TAFA2: variants seen among roughly 807,000 people sequenced by gnomAD.
TAFA2 encodes the protein chemokine-like protein TAFA-2.
TAFA2 carries 7 observed loss-of-function variants against 18.8 expected under a neutral mutation model. The ratio of observed to expected loss-of-function variants is 0.37; its 90% CI spans 0.21 to 0.70. The LOEUF is 0.70. Among genes scored for constraint, TAFA2 ranks in the 30% least tolerant of loss-of-function variants. The probability of loss-of-function intolerance (pLI) is 0.53; values close to 1 mark genes in which losing one functional copy is unlikely to be tolerated. For synonymous variants in TAFA2, 60 were observed against 54.2 expected (o/e 1.11, Z -0.47); for missense variants, 122 against 158.1 (o/e 0.77, Z 1.23).
intron 1 of TAFA2, among the ~76,000 whole-genome samples, chr12:61,987,942 T>A (rs1042761221): frequency 1.3e-5 from 2 of 152,206 alleles, no homozygotes; most frequent in Non-Finnish European, 2.9e-5. Context: ...TTAAATCACA[T>A]AAAATAAATT....
intron 1 of TAFA2, among the ~76,000 whole-genome samples, chr12:62,147,661 C>G (rs183206498): frequency 7.3e-6 from 1 of 137,630 alleles, no homozygotes; most frequent in East Asian, 2.2e-4. Flanking sequence ...ACCCGGGAGG[C>G]GGAGCTTGCA....
At chr12:62,225,746 G>T (rs1344125836) in intron 1 of TAFA2, among the ~76,000 whole-genome samples, 1 of 152,112 alleles carries the variant, frequency 6.6e-6, no homozygotes, top group African/African-American at 2.4e-5. Flanking sequence ...CACAAGAAAA[G>T]AAATATGTAT....
chr12:62,071,166 G>A (rs780707672), intron 1 of TAFA2, among the ~76,000 whole-genome samples: 3 of 152,148 alleles, frequency 2.0e-5, no homozygotes, highest in African/African-American at 4.8e-5. Flanking sequence ...GAGGGTATAA[G>A]TGCTACAGAA....
At chr12:62,039,380 A>G (rs1247496416) in intron 1 of TAFA2, among the ~76,000 whole-genome samples, 1 of 152,146 alleles carries the variant, frequency 6.6e-6, no homozygotes, top group African/African-American at 2.4e-5. Context: ...AATCATTATA[A>G]TTTATGTTGT....
At chr12:61,945,997 A>G (rs1029546997) in intron 1 of TAFA2, among the ~76,000 whole-genome samples, 2 of 114,808 alleles carry the variant, frequency 1.7e-5, no homozygotes, top group East Asian at 5.3e-4. Context: ...CCGCATCGCC[A>G]AGTCAATCCT....
chr12:61,857,169 G>A (rs1424995234), intron 2 of TAFA2, among the ~76,000 whole-genome samples: 1 of 148,694 alleles, frequency 6.7e-6, no homozygotes, highest in Non-Finnish European at 1.5e-5. Flanking sequence ...ATATACAAAT[G>A]TAACCAAGCT....
chr12:61,886,789 T>TG (rs551129057), intron 1 of TAFA2, among the ~76,000 whole-genome samples: 1 of 152,178 alleles, frequency 6.6e-6, no homozygotes, highest in African/African-American at 2.4e-5. Flanking sequence ...GTTCATGAAT[T>TG]GGGGGGCTAT....
intron 2 of TAFA2, among the ~76,000 whole-genome samples, chr12:61,845,693 A>G (rs925875699): frequency 6.6e-6 from 1 of 152,158 alleles, no homozygotes; most frequent in Admixed American, 6.6e-5. Flanking sequence ...CAAAGAGACT[A>G]TCTTAGCATT....
At chr12:62,066,382 G>A (rs1882489310) in intron 1 of TAFA2, among the ~76,000 whole-genome samples, 1 of 151,546 alleles carries the variant, frequency 6.6e-6, no homozygotes, top group South Asian at 2.1e-4. Flanking sequence ...CAAACGCTAG[G>A]TCTTATTCAT....
intron 2 of TAFA2, among the ~76,000 whole-genome samples, chr12:61,840,473 G>A (rs1458670405): frequency 6.6e-6 from 1 of 151,584 alleles, no homozygotes; most frequent in Non-Finnish European, 1.5e-5. Context: ...CACCTCCATT[G>A]TTTCTTGACA....
intron 2 of TAFA2, among the ~76,000 whole-genome samples, chr12:61,764,044 C>A (rs1031920690): frequency 6.6e-6 from 1 of 151,976 alleles, no homozygotes. Flanking sequence ...GAAGTATTCT[C>A]CACCTTCATT....
chr12:61,981,127 A>C (rs1416877236), intron 1 of TAFA2, among the ~76,000 whole-genome samples: 2 of 152,206 alleles, frequency 1.3e-5, no homozygotes, highest in African/African-American at 4.8e-5. Context: ...TGAATGGAAC[A>C]GAACAGAGGC....
intron 1 of TAFA2, among the ~76,000 whole-genome samples, chr12:62,237,435 T>C (rs1273088218): frequency 6.6e-6 from 1 of 152,250 alleles, no homozygotes; most frequent in Non-Finnish European, 1.5e-5. Flanking sequence ...AATTTATATA[T>C]TGTTTTGCTG....
At chr12:62,035,733 CTTTTTTT>C (rs34859628) in intron 1 of TAFA2, among the ~76,000 whole-genome samples, 5 of 60,228 alleles carry the variant, frequency 8.3e-5, no homozygotes, top group East Asian at 4.3e-4. Flanking sequence ...ATGATTCTTT[CTTTTTTT>C]TTTTTTTTTT....
intron 3 of TAFA2, among the ~76,000 whole-genome samples, chr12:61,754,597 G>A (rs539655801): frequency 6.6e-6 from 1 of 150,864 alleles, no homozygotes; most frequent in African/African-American, 2.4e-5. Context: ...CATCCACCGA[G>A]AAATCAACAT....
At chr12:61,869,057 T>C (rs1275731030) in intron 1 of TAFA2, among the ~76,000 whole-genome samples, 1 of 152,166 alleles carries the variant, frequency 6.6e-6, no homozygotes, top group African/African-American at 2.4e-5. Flanking sequence ...CATTTGTATA[T>C]GTTTGATCCT....
Position 61,937,303 on chromosome 12 carries a change from AC to A in TAFA2, c.-1-69878del, listed in dbSNP as rs543022942. Among the ~76,000 whole-genome samples, 497 of 152,280 alleles carry A rather than the reference AC, an allele frequency of 3.3e-3. 2 individuals carry two copies. Among genetic ancestry groups the A allele is most frequent in the Admixed American group, 7.3e-3 (111 of 15,294 alleles). ...TCATTTTTCACAAAATTAGAAAAAA[AC>A]ATTAAAATTCATATGGAACCAAAAA... On this transcript the variant is annotated intron_variant, in intron 1 of 4. Coordinates refer to ENST00000416284, the MANE Select transcript of TAFA2 (RefSeq NM_178539.5).
At chr12:61,961,710 A>G (rs1878892349) in intron 1 of TAFA2, among the ~76,000 whole-genome samples, 1 of 151,966 alleles carries the variant, frequency 6.6e-6, no homozygotes, top group Admixed American at 6.6e-5. Flanking sequence ...CTCCTTCTCT[A>G]TGTAGTAAGG....
At chr12:62,220,119 A>AC (rs2062754387) in intron 1 of TAFA2, among the ~76,000 whole-genome samples, 1 of 152,262 alleles carries the variant, frequency 6.6e-6, no homozygotes, top group East Asian at 1.9e-4. Flanking sequence ...AAGCCACCAA[A>AC]TAAAAAAAAC....
Sources: allele counts gnomAD v4.1 joint callset (sites outside exome capture counted in the v4.1 genomes callset), GRCh38; gene constraint gnomAD v4.1.1; transcripts MANE v1.5; gene names NCBI Gene and HGNC (gene_info 2026-07-23, HGNC 2026-07-21).